ZDHHC11B: variants seen among roughly 807,000 people sequenced by gnomAD.
ZDHHC11B encodes probable palmitoyltransferase ZDHHC11B.
Under a neutral mutation model 42.3 loss-of-function variants are expected in ZDHHC11B, and 17 were observed. The observed-to-expected ratio is 0.40, with a 90% CI of 0.27 to 0.60. The LOEUF (loss-of-function observed/expected upper bound fraction) is 0.60, where lower values mean the gene tolerates loss of function less well. ZDHHC11B is among the 20% of genes least tolerant of loss of function. ZDHHC11B has a pLI of 0.41. For missense variants in ZDHHC11B, 262 were observed against 463.2 expected (o/e 0.57, Z 3.99); for synonymous variants, 123 against 193.5 (o/e 0.64, Z 3.02).
At chr5:728,941 T>A (rs62332088) in intron 12 of ZDHHC11B, among the ~76,000 whole-genome samples, 31,426 of 146,714 alleles carry the variant, frequency 0.21, 2,826 homozygotes, top group Middle Eastern at 0.3. Context: ...AGAATCCAAG[T>A]GGCAAAGGTT....
intron 9 of ZDHHC11B, among the ~76,000 whole-genome samples, chr5:742,396 A>T (rs1744262365): frequency 6.9e-6 from 1 of 144,038 alleles, no homozygotes; most frequent in Non-Finnish European, 1.5e-5. Context: ...TCCGGACATC[A>T]GTCTAAGACT....
rs1250016519 is a variant in ZDHHC11B at position 711,864 on chromosome 5, C to T, written c.*426G>A. Reference sequence around the variant, plus strand: ...TTCTCAGTACTGTGCTCCCATTTCCCAGTACTATGCTCCCATTTCCCAGTA... The same window carrying T: ...TTCTCAGTACTGTGCTCCCATTTCCTAGTACTATGCTCCCATTTCCCAGTA... On this transcript the variant is annotated 3_prime_UTR_variant, in exon 14 of 14. Coordinates refer to ENST00000508859, the MANE Select transcript of ZDHHC11B (RefSeq NM_001351303.2). The T allele has an allele frequency of 1.6e-5, 2 of 125,084 alleles. No individual in the cohort carries two copies. Among genetic ancestry groups the T allele is most frequent in the African/African-American group, 6.2e-5 (2 of 32,330 alleles). The allele number at this position is 125,084 out of a possible 1,614,324, so 7.7% of individuals were successfully genotyped here.
At chr5:718,398 G>A (rs1343715303) in intron 12 of ZDHHC11B, among the ~76,000 whole-genome samples, 3 of 151,784 alleles carry the variant, frequency 2.0e-5, no homozygotes, top group Admixed American at 2.0e-4. Context: ...GCTGGGCTGG[G>A]TGCAGTGGCT....
Position 748,174 on chromosome 5 carries a change from G to A in ZDHHC11B, c.784+230C>T, listed in dbSNP as rs965393074. On this transcript the variant is annotated intron_variant, in intron 8 of 13. Coordinates refer to ENST00000508859, the MANE Select transcript of ZDHHC11B (RefSeq NM_001351303.2). ...CAGCGTTGAGTTCAGCTTCTTGCTG[G>A]GCCTGCTGGGCCCTCATGGATTTAA... 17 of 584,582 alleles carry A rather than the reference G, an allele frequency of 2.9e-5. 1 individual carries two copies. The African/African-American group carries it at 3.1e-4, about 11-fold the overall frequency. The allele number at this position is 584,582 out of a possible 1,614,324, so 36.2% of individuals were successfully genotyped here.
chr5:736,098 ATAAACT>A (rs1743482707), intron 10 of ZDHHC11B, among the ~76,000 whole-genome samples: 1 of 149,368 alleles, frequency 6.7e-6, no homozygotes. Flanking sequence ...AAGGACTGAA[ATAAACT>A]TAAGGTAAAG....
rs371548188 is a variant in ZDHHC11B at position 743,492 on chromosome 5, A to G, written c.900+1691T>C. ...CAGGGATTGTGGTAAATCTGTAGAT[A>G]AGTTTTGGGGAAAATTGCCCTTTTA... On this transcript the variant is annotated intron_variant, in intron 9 of 13. Coordinates refer to ENST00000508859, the MANE Select transcript of ZDHHC11B (RefSeq NM_001351303.2). Among the ~76,000 whole-genome samples, 93 of 148,466 alleles carry G rather than the reference A, an allele frequency of 6.3e-4. 2 individuals carry two copies. Among genetic ancestry groups the G allele is most frequent in the African/African-American group, 2.2e-3 (89 of 40,550 alleles).
chr5:748,339 T>A, intron 8 of ZDHHC11B, 65 bp downstream of exon 8: 1 of 984,158 alleles, frequency 1.0e-6, no homozygotes, highest in African/African-American at 1.6e-5. Context: ...CAAGTAGAGG[T>A]GTAAGATGAG....
At chr5:713,398 T>C (rs1218078702) in intron 13 of ZDHHC11B, among the ~76,000 whole-genome samples, 2 of 152,022 alleles carry the variant, frequency 1.3e-5, no homozygotes, top group Non-Finnish European at 2.9e-5. Flanking sequence ...TTGTGTTTTC[T>C]TTCTTTATGT....
Position 751,886 on chromosome 5 carries a change from G to C in ZDHHC11B, c.504-629C>G, listed in dbSNP as rs1386050150. Among the ~76,000 whole-genome samples the C allele has an allele frequency of 2.5e-5, 3 of 119,520 alleles. 1 individual carries two copies. Among genetic ancestry groups the C allele is most frequent in the Non-Finnish European group, 5.6e-5 (3 of 53,646 alleles). The allele number at this position is 119,520 out of a possible 152,430, so 78.4% of individuals were successfully genotyped here. A position where few individuals can be genotyped will look rare whatever the true frequency, so the allele number is the denominator to read the frequency against. The stretch of plus-strand genomic sequence containing the variant: ...CCACAAGGAACAATGAGGTTGTGAG[G>C]AGGGGGAACCAGCCCTTTTCACGAG... On this transcript the variant is annotated intron_variant, in intron 6 of 13. Transcript: ENST00000508859.
At chr5:783,983 G>A (rs139177921) in intron 1 of ZDHHC11B, among the ~76,000 whole-genome samples, 1 of 150,548 alleles carries the variant, frequency 6.6e-6, no homozygotes, top group African/African-American at 2.5e-5. Flanking sequence ...GCAGAATAAA[G>A]GGCTCCTCAG....
chr5:746,925 G>C (rs1385301585), intron 8 of ZDHHC11B, among the ~76,000 whole-genome samples: 19 of 124,754 alleles, frequency 1.5e-4, no homozygotes, highest in Non-Finnish European at 1.9e-4. Flanking sequence ...GCCCAACCTC[G>C]GCCGATTCTC....
chr5:758,986 C>T (rs1334801656), intron 4 of ZDHHC11B, among the ~76,000 whole-genome samples: 9 of 151,830 alleles, frequency 5.9e-5, no homozygotes, highest in African/African-American at 1.7e-4. Flanking sequence ...CGGGGAGCCC[C>T]GGGATAGAGA....
intron 13 of ZDHHC11B, among the ~76,000 whole-genome samples, chr5:716,261 GC>G (rs753831312): frequency 5.3e-5 from 8 of 151,270 alleles, no homozygotes; most frequent in Non-Finnish European, 1.0e-4. Context: ...TGGATGGTTT[GC>G]CAACTCATGT....
rs553039221 is a variant in ZDHHC11B, at chr5:767,460, C to G, written c.-69G>C. 1.5e-5 allele frequency: 24 copies of G among 1,570,612 alleles called. 1 individual carries two copies. Among genetic ancestry groups the G allele is most frequent in the Non-Finnish European group, 2.1e-5 (24 of 1,146,762 alleles). On this transcript the variant is annotated 5_prime_UTR_variant, in exon 3 of 14. Coordinates refer to ENST00000508859, the MANE Select transcript of ZDHHC11B (RefSeq NM_001351303.2). ...AGAGCAGCTCCAACTCGTCCGACTTCAAGTCGCCAAATGCTGAATTATTCT... is the reference window on the plus strand; with the variant it reads ...AGAGCAGCTCCAACTCGTCCGACTTGAAGTCGCCAAATGCTGAATTATTCT...
At chr5:776,487 G>A (rs1736496907) in intron 1 of ZDHHC11B, among the ~76,000 whole-genome samples, 1 of 151,940 alleles carries the variant, frequency 6.6e-6, no homozygotes, top group Admixed American at 6.6e-5. Flanking sequence ...CAGGGCTGAG[G>A]GGAAAGTCTC....
intron 1 of ZDHHC11B, among the ~76,000 whole-genome samples, chr5:775,819 G>T (rs560670968): frequency 5.3e-5 from 8 of 151,662 alleles, no homozygotes; most frequent in African/African-American, 1.9e-4. Flanking sequence ...GGCATCCAGG[G>T]AGCTGTGAAG....
intron 10 of ZDHHC11B, among the ~76,000 whole-genome samples, chr5:738,919 A>G (rs1743833380): frequency 6.6e-6 from 1 of 151,096 alleles, no homozygotes; most frequent in African/African-American, 2.5e-5. Context: ...ACAAGAACAA[A>G]GATAAATAGA....
intron 10 of ZDHHC11B, 104 bp from the exon 11 acceptor site, chr5:733,943 G>C: frequency 9.7e-7 from 1 of 1,029,972 alleles, no homozygotes; most frequent in Non-Finnish European, 1.5e-6. Context: ...CTGCTGTGGG[G>C]CACACATGTC....
At chr5:754,802 G>A (rs1241259741) in intron 6 of ZDHHC11B, among the ~76,000 whole-genome samples, 196 bp downstream of exon 6, 1 of 88,462 alleles carries the variant, frequency 1.1e-5, no homozygotes, top group Non-Finnish European at 2.4e-5. Context: ...GCTTGTCCAG[G>A]GACGGCTGCA....
Sources: allele counts gnomAD v4.1 joint callset (sites outside exome capture counted in the v4.1 genomes callset), GRCh38; gene constraint gnomAD v4.1.1; transcripts MANE v1.5; gene names NCBI Gene and HGNC (gene_info 2026-07-23, HGNC 2026-07-21).